GRID2: variants seen among roughly 807,000 people sequenced by gnomAD.
The protein encoded by GRID2 is glutamate receptor ionotropic, delta-2.
Under a neutral mutation model 114.8 loss-of-function variants are expected in GRID2, and 33 were observed. That is an observed-to-expected ratio of 0.29 (90% CI 0.22 to 0.38). The LOEUF (loss-of-function observed/expected upper bound fraction) is 0.38. Ranked by LOEUF, GRID2 falls within the 10% of genes least tolerant of loss-of-function variation. The pLI, the probability that GRID2 is intolerant of heterozygous loss-of-function variation, is 1.00. For missense variants in GRID2, 1,184 were observed against 1,257.7 expected, an observed-to-expected ratio of 0.94 and a Z score of 0.89; for synonymous variants, 505 against 449.9, an observed-to-expected ratio of 1.12 and a Z score of -1.55.
intron 2 of GRID2, among the ~76,000 whole-genome samples, chr4:92,921,065 T>C (rs561586009): frequency 6.6e-6 from 1 of 152,268 alleles, no homozygotes; most frequent in East Asian, 1.9e-4. Context: ...TCTTTTTTTC[T>C]CTAAACTTCT....
intron 8 of GRID2, among the ~76,000 whole-genome samples, chr4:93,390,896 T>G (rs1764793137): frequency 6.6e-6 from 1 of 152,094 alleles, no homozygotes; most frequent in African/African-American, 2.4e-5. Flanking sequence ...TTTTCTTCAT[T>G]TGTAGGAATC....
At chr4:93,016,497 T>TA in intron 2 of GRID2, among the ~76,000 whole-genome samples, 1 of 152,222 alleles carries the variant, frequency 6.6e-6, no homozygotes, top group East Asian at 1.9e-4. Context: ...AATTTGACAG[T>TA]TAGTCTTTAG....
intron 2 of GRID2, among the ~76,000 whole-genome samples, chr4:92,919,446 G>A (rs560156740): frequency 4.5e-4 from 68 of 151,976 alleles, no homozygotes; most frequent in Non-Finnish European, 4.1e-4. Flanking sequence ...GTGATGTTAG[G>A]GTGTCAATTT....
At chr4:92,858,178 A>T (rs1744299404) in intron 2 of GRID2, among the ~76,000 whole-genome samples, 1 of 152,224 alleles carries the variant, frequency 6.6e-6, no homozygotes, top group Non-Finnish European at 1.5e-5. Context: ...ACCTACTAAC[A>T]CAACATTCAT....
intron 2 of GRID2, among the ~76,000 whole-genome samples, chr4:92,954,843 C>T (rs956505902): frequency 1.4e-5 from 2 of 141,306 alleles, no homozygotes; most frequent in African/African-American, 5.4e-5. Context: ...TCAATTCCCA[C>T]CTATGAGTGA....
At chr4:92,921,351 T>A (rs1044189556) in intron 2 of GRID2, among the ~76,000 whole-genome samples, 5 of 152,162 alleles carry the variant, frequency 3.3e-5, no homozygotes, top group Admixed American at 2.6e-4. Context: ...TCTCAACTCG[T>A]CAAAGTCATT....
At chr4:92,768,702 C>T (rs567443815) in intron 2 of GRID2, among the ~76,000 whole-genome samples, 10 of 152,236 alleles carry the variant, frequency 6.6e-5, no homozygotes, top group Middle Eastern at 6.8e-3. Context: ...TCACGTCTTA[C>T]AAGAATGGTG....
At chr4:92,326,758 A>C (rs1726617655) in intron 1 of GRID2, among the ~76,000 whole-genome samples, 4 of 152,028 alleles carry the variant, frequency 2.6e-5, no homozygotes, top group Admixed American at 2.6e-4. Context: ...GAGATAAAGG[A>C]AGTTAAACAA....
intron 1 of GRID2, among the ~76,000 whole-genome samples, chr4:92,551,937 G>A (rs185582005): frequency 6.6e-6 from 1 of 152,134 alleles, no homozygotes; most frequent in Admixed American, 6.6e-5. Context: ...AAAAAGAGCT[G>A]AGGAAAGTCA....
intron 12 of GRID2, among the ~76,000 whole-genome samples, chr4:93,504,105 G>C (rs1193106441): frequency 6.6e-6 from 1 of 151,960 alleles, no homozygotes; most frequent in Non-Finnish European, 1.5e-5. Context: ...ATTTCTCCTA[G>C]TCTTTTATTT....
chr4:92,566,196 AG>A (rs1478141033), intron 1 of GRID2, among the ~76,000 whole-genome samples: 1 of 152,012 alleles, frequency 6.6e-6, no homozygotes, highest in Admixed American at 6.6e-5. Flanking sequence ...ATAAAAGTAA[AG>A]CTGCTCAATG....
intron 1 of GRID2, among the ~76,000 whole-genome samples, chr4:92,553,713 G>A (rs1326519389): frequency 1.3e-5 from 2 of 151,928 alleles, no homozygotes; most frequent in Non-Finnish European, 2.9e-5. Context: ...GTGCAGTGGT[G>A]CAATCTCGGC....
At chr4:93,102,410 T>G (rs890381110) in intron 3 of GRID2, among the ~76,000 whole-genome samples, 1 of 152,184 alleles carries the variant, frequency 6.6e-6, no homozygotes, top group Non-Finnish European at 1.5e-5. Context: ...TAGGTAGATA[T>G]GTACACATTT....
intron 8 of GRID2, among the ~76,000 whole-genome samples, chr4:93,394,393 CCTTCT>C (rs1765131206): frequency 6.6e-6 from 1 of 151,792 alleles, no homozygotes; most frequent in African/African-American, 2.4e-5. Flanking sequence ...TGTGACATTC[CCTTCT>C]CTTAAGATAT....
intron 14 of GRID2, among the ~76,000 whole-genome samples, chr4:93,675,033 C>T (rs1346515850): frequency 1.3e-5 from 2 of 151,896 alleles, no homozygotes; most frequent in Non-Finnish European, 2.9e-5. Flanking sequence ...GATTATAAGC[C>T]AATTATGACC....
intron 12 of GRID2, among the ~76,000 whole-genome samples, chr4:93,508,976 A>G (rs1044734515): frequency 6.6e-6 from 1 of 152,206 alleles, no homozygotes; most frequent in African/African-American, 2.4e-5. Context: ...TTTGGCTTAT[A>G]CTGTGAATAT....
chr4:92,670,801 G>A (rs887119112), intron 2 of GRID2, among the ~76,000 whole-genome samples: 53 of 151,926 alleles, frequency 3.5e-4, no homozygotes, highest in Admixed American at 2.7e-3. Flanking sequence ...TGAGAAAACC[G>A]GGGCTTAGAG....
At chr4:92,984,216 A>C (rs1560769428) in intron 2 of GRID2, among the ~76,000 whole-genome samples, 1 of 152,146 alleles carries the variant, frequency 6.6e-6, no homozygotes, top group African/African-American at 2.4e-5. Context: ...TTTCTAAATT[A>C]CTGGAAACTC....
chr4:92,966,923 T>A (rs1753193672), intron 2 of GRID2, among the ~76,000 whole-genome samples: 1 of 151,962 alleles, frequency 6.6e-6, no homozygotes, highest in African/African-American at 2.4e-5. Context: ...ATACAATGAT[T>A]ATGAGGTTGA....
Sources: gnomAD v4.1 joint callset for allele counts (sites outside exome capture counted in the v4.1 genomes callset) on GRCh38, gnomAD v4.1.1 for gene constraint, MANE v1.5 for transcripts, NCBI Gene and HGNC (gene_info 2026-07-23, HGNC 2026-07-21) for gene names.